Variants in SEMA3A observed in about 807,000 individuals in gnomAD.
SEMA3A encodes semaphorin 3A, also known as semaphorin-3A.
A neutral mutation model predicts 97.9 loss-of-function variants in SEMA3A; 29 were observed. The observed-to-expected ratio is 0.30, with a 90% CI of 0.22 to 0.40. The LOEUF is 0.40. SEMA3A is among the 10% of genes least tolerant of loss of function. The pLI is 1.00. For synonymous variants in SEMA3A, 321 were observed against 323.7 expected (o/e 0.99, Z 0.09); for missense variants, 763 against 951.3 (o/e 0.80, Z 2.60).
chr7:84,243,077 G>A (rs745894741), intron 3 of SEMA3A, among the ~76,000 whole-genome samples: 22 of 152,102 alleles, frequency 1.4e-4, no homozygotes, highest in Non-Finnish European at 2.5e-4. Flanking sequence ...TTTTCATATC[G>A]ATGTTCATCA....
chr7:84,474,668 A>G (rs1265211753), intron 1 of SEMA3A, among the ~76,000 whole-genome samples: 2 of 152,144 alleles, frequency 1.3e-5, no homozygotes, highest in African/African-American at 4.8e-5. Flanking sequence ...CTTCCTCTGC[A>G]GAGTGTGAGG....
chr7:84,467,052 G>A (rs1002303494), intron 1 of SEMA3A, among the ~76,000 whole-genome samples: 11 of 151,934 alleles, frequency 7.2e-5, no homozygotes, highest in African/African-American at 1.2e-4. Flanking sequence ...TAACTTTTTC[G>A]GGATTTTGGT....
chr7:84,383,086 T>C (rs1460974632), intron 1 of SEMA3A, among the ~76,000 whole-genome samples: 2 of 152,110 alleles, frequency 1.3e-5, no homozygotes, highest in Non-Finnish European at 2.9e-5. Context: ...CTCTCTAAAG[T>C]TTTAGCCTAA....
At chr7:84,211,381 C>A (rs576496058) in intron 3 of SEMA3A, among the ~76,000 whole-genome samples, 1 of 151,212 alleles carries the variant, frequency 6.6e-6, no homozygotes, top group Non-Finnish European at 1.5e-5. Context: ...GAGGCCAAGG[C>A]GGGTGGATCA....
intron 5 of SEMA3A, among the ~76,000 whole-genome samples, chr7:84,051,232 T>A (rs1209631396): frequency 6.6e-6 from 1 of 151,686 alleles, no homozygotes; most frequent in Non-Finnish European, 1.5e-5. Flanking sequence ...AGTAGTTTTT[T>A]CCAATTCTGT....
intron 12 of SEMA3A, among the ~76,000 whole-genome samples, chr7:83,994,574 C>T (rs554284414): frequency 2.2e-5 from 3 of 137,178 alleles, no homozygotes; most frequent in African/African-American, 5.5e-5. Flanking sequence ...AATACCCTGC[C>T]GTGTGAGGTG....
intron 1 of SEMA3A, among the ~76,000 whole-genome samples, chr7:84,185,814 A>G (rs1797864152): frequency 6.6e-6 from 1 of 152,072 alleles, no homozygotes; most frequent in African/African-American, 2.4e-5. Context: ...TGTTTTCTAC[A>G]TCAGATAACC....
At chr7:84,055,377 C>T (rs1792918987) in intron 5 of SEMA3A, among the ~76,000 whole-genome samples, 1 of 152,224 alleles carries the variant, frequency 6.6e-6, no homozygotes, top group South Asian at 2.1e-4. Flanking sequence ...GTAGGACCCT[C>T]CCAGCCAGGT....
intron 3 of SEMA3A, among the ~76,000 whole-genome samples, chr7:84,236,789 C>T (rs1799245584): frequency 6.6e-6 from 1 of 152,114 alleles, no homozygotes; most frequent in Non-Finnish European, 1.5e-5. Flanking sequence ...ATACCTTGAA[C>T]AAATCTCTCT....
chr7:83,991,283 C>T (rs976512245), intron 12 of SEMA3A, among the ~76,000 whole-genome samples: 60 of 152,176 alleles, frequency 3.9e-4, no homozygotes, highest in Middle Eastern at 3.4e-3. Flanking sequence ...AATTTGACTT[C>T]CTCTTTTCTT....
chr7:84,456,200 T>C (rs898260824), intron 1 of SEMA3A, among the ~76,000 whole-genome samples: 1 of 151,910 alleles, frequency 6.6e-6, no homozygotes, highest in Non-Finnish European at 1.5e-5. Context: ...CTTTTTTAAA[T>C]CCTCTGTGCT....
intron 3 of SEMA3A, among the ~76,000 whole-genome samples, chr7:84,241,079 C>T (rs1799351275): frequency 6.6e-6 from 1 of 151,980 alleles, no homozygotes; most frequent in East Asian, 1.9e-4. Flanking sequence ...TGTGCTGGTG[C>T]CTTTATAGTA....
intron 3 of SEMA3A, among the ~76,000 whole-genome samples, chr7:84,230,559 A>T (rs1464066086): frequency 6.6e-6 from 1 of 152,050 alleles, no homozygotes; most frequent in Non-Finnish European, 1.5e-5. Context: ...ATGTCCTTTC[A>T]GTTATGTTAG....
At chr7:83,973,035 T>G (rs66476103) in intron 15 of SEMA3A, among the ~76,000 whole-genome samples, 24,571 of 152,128 alleles carry the variant, frequency 0.16, 2,274 homozygotes, top group Non-Finnish European at 0.21. Flanking sequence ...CTTACAATTG[T>G]TCTTGATCTG....
intron 4 of SEMA3A, among the ~76,000 whole-genome samples, chr7:84,061,675 T>C (rs1373584806): frequency 1.3e-5 from 2 of 152,204 alleles, no homozygotes; most frequent in African/African-American, 4.8e-5. Flanking sequence ...ACATTTAATA[T>C]TTCTGATGGA....
chr7:84,150,384 CA>C (rs1188009298), intron 1 of SEMA3A, among the ~76,000 whole-genome samples: 184 of 152,256 alleles, frequency 1.2e-3, no homozygotes, highest in Middle Eastern at 6.8e-3. Context: ...TGGGTGCGCA[CA>C]CTGTGCGCGA....
chr7:83,986,421 A>G (rs1014441394), intron 12 of SEMA3A, among the ~76,000 whole-genome samples: 2 of 152,154 alleles, frequency 1.3e-5, no homozygotes, highest in African/African-American at 4.8e-5. Flanking sequence ...TTCTTTCTGG[A>G]GCTTATCATG....
intron 12 of SEMA3A, among the ~76,000 whole-genome samples, chr7:83,996,950 C>G (rs1562962672): frequency 6.6e-6 from 1 of 152,056 alleles, no homozygotes; most frequent in African/African-American, 2.4e-5. Context: ...ATACTCTGAT[C>G]GAGATTTGAT....
intron 1 of SEMA3A, among the ~76,000 whole-genome samples, chr7:84,135,621 C>T (rs1380263591): frequency 6.6e-6 from 1 of 152,046 alleles, no homozygotes; most frequent in Non-Finnish European, 1.5e-5. Flanking sequence ...TTCATTTGTT[C>T]CAAGCCATTA....
Sources: allele counts gnomAD v4.1 joint callset (sites outside exome capture counted in the v4.1 genomes callset), GRCh38; gene constraint gnomAD v4.1.1; transcripts MANE v1.5; gene names NCBI Gene and HGNC (gene_info 2026-07-23, HGNC 2026-07-21).